The following AKAP19 variants were observed in gnomAD, a reference collection of about 807,000 sequenced individuals.
The protein encoded by AKAP19 is small A-kinase anchoring protein.
chr2:189,985,904 T>C, the AKAP19 span, among the ~76,000 whole-genome samples: 5 of 152,062 alleles, frequency 3.3e-5, no homozygotes, highest in African/African-American at 9.7e-5. Context: ...TAAACAAACA[T>C]TGTATAAAAA....
At chr2:190,107,269 T>A in the AKAP19 span, among the ~76,000 whole-genome samples, 1 of 152,212 alleles carries the variant, frequency 6.6e-6, no homozygotes, top group African/African-American at 2.4e-5. Context: ...TCTCAGACTA[T>A]GTCTTTATCT....
At chr2:189,981,468 G>C in the AKAP19 span, among the ~76,000 whole-genome samples, 1 of 152,040 alleles carries the variant, frequency 6.6e-6, no homozygotes, top group Non-Finnish European at 1.5e-5. Flanking sequence ...TTAAGTACTT[G>C]TGTCTTCTGA....
the AKAP19 span, among the ~76,000 whole-genome samples, chr2:190,141,525 C>A: frequency 6.6e-6 from 1 of 152,106 alleles, no homozygotes; most frequent in South Asian, 2.1e-4. Flanking sequence ...ATGGTGGCAG[C>A]AAGGAGCACT....
chr2:190,086,549 A>T, the AKAP19 span, among the ~76,000 whole-genome samples: 4 of 152,292 alleles, frequency 2.6e-5, no homozygotes, highest in African/African-American at 9.6e-5. Context: ...CATAGTAGGT[A>T]TTTGTAACTC....
the AKAP19 span, among the ~76,000 whole-genome samples, chr2:190,004,993 C>T: frequency 6.6e-6 from 1 of 152,304 alleles, no homozygotes; most frequent in Admixed American, 6.5e-5. Context: ...TCACAGTGAG[C>T]ATTACAGCTC....
At chr2:190,182,836 T>C in the AKAP19 span, among the ~76,000 whole-genome samples, 1 of 152,254 alleles carries the variant, frequency 6.6e-6, no homozygotes, top group Non-Finnish European at 1.5e-5. Context: ...AGGTAGGCTT[T>C]ATTAATTTTT....
chr2:189,958,243 C>A, the AKAP19 span, among the ~76,000 whole-genome samples: 1 of 152,092 alleles, frequency 6.6e-6, no homozygotes. Context: ...AAGCACTTCG[C>A]AAGTGGTTAC....
chr2:189,942,317 C>T, the AKAP19 span, among the ~76,000 whole-genome samples: 2 of 152,168 alleles, frequency 1.3e-5, no homozygotes, highest in African/African-American at 2.4e-5. Flanking sequence ...TGCCTGCTCT[C>T]CCTTTGCCTT....
At chr2:190,029,854 C>A in the AKAP19 span, among the ~76,000 whole-genome samples, 1 of 151,970 alleles carries the variant, frequency 6.6e-6, no homozygotes. Context: ...ACAGACTGAG[C>A]GAGAGAATAT....
At chr2:190,102,659 C>G in the AKAP19 span, among the ~76,000 whole-genome samples, 2 of 152,022 alleles carry the variant, frequency 1.3e-5, no homozygotes, top group Non-Finnish European at 2.9e-5. Context: ...CCTGAACAGA[C>G]CAATACTGAG....
chr2:189,921,533 T>C, the AKAP19 span, among the ~76,000 whole-genome samples: 4 of 152,162 alleles, frequency 2.6e-5, no homozygotes, highest in Non-Finnish European at 4.4e-5. Flanking sequence ...AGGTATCCCT[T>C]AGAAGATTTT....
At chr2:190,150,583 A>T in the AKAP19 span, 1 of 153,526 alleles carries the variant, frequency 6.5e-6, no homozygotes, top group Admixed American at 6.5e-5. Flanking sequence ...CTGCAGGAGC[A>T]GTCCACTTCC....
At chr2:190,009,592 AT>A in the AKAP19 span, among the ~76,000 whole-genome samples, 1 of 152,210 alleles carries the variant, frequency 6.6e-6, no homozygotes, top group African/African-American at 2.4e-5. Context: ...GATTATGGAT[AT>A]GTTGAGTTTG....
the AKAP19 span, among the ~76,000 whole-genome samples, chr2:190,080,926 T>C: frequency 4.6e-5 from 7 of 152,216 alleles, no homozygotes; most frequent in Non-Finnish European, 7.3e-5. Context: ...GATGACAATC[T>C]AGCCTGGCTT....
the AKAP19 span, among the ~76,000 whole-genome samples, chr2:190,103,869 G>A: frequency 6.6e-6 from 1 of 152,072 alleles, no homozygotes; most frequent in Non-Finnish European, 1.5e-5. Flanking sequence ...TGCCCAAATA[G>A]CCAAAGCAAT....
chr2:190,010,915 G>A, the AKAP19 span, among the ~76,000 whole-genome samples: 1 of 151,840 alleles, frequency 6.6e-6, no homozygotes, highest in African/African-American at 2.4e-5. Context: ...TTGTTTTCTT[G>A]CTATTGAGTC....
At chr2:190,000,573 C>A in the AKAP19 span, among the ~76,000 whole-genome samples, 1 of 152,170 alleles carries the variant, frequency 6.6e-6, no homozygotes, top group Non-Finnish European at 1.5e-5. Flanking sequence ...TATAATGTTT[C>A]TTGGAACTAT....
chr2:190,113,063 A>T, the AKAP19 span, among the ~76,000 whole-genome samples: 17 of 151,452 alleles, frequency 1.1e-4, no homozygotes, highest in Non-Finnish European at 2.1e-4. Context: ...TGTTTCATCA[A>T]TTTTTTTTTC....
chr2:190,192,084 A>T, the AKAP19 span, among the ~76,000 whole-genome samples: 1 of 151,970 alleles, frequency 6.6e-6, no homozygotes, highest in Non-Finnish European at 1.5e-5. Context: ...ATAGTTTTAC[A>T]TTTTACATTT....
Sources: allele counts gnomAD v4.1 joint callset (sites outside exome capture counted in the v4.1 genomes callset), GRCh38; gene constraint gnomAD v4.1.1; transcripts MANE v1.5; gene names NCBI Gene and HGNC (gene_info 2026-07-23, HGNC 2026-07-21).